The following ZNF557 variants were observed in gnomAD, a reference collection of about 807,000 sequenced individuals.
The protein encoded by ZNF557 is CTB-25J19.9.
Under a neutral mutation model 21.2 loss-of-function variants are expected in ZNF557, and 19 were observed. The ratio of observed to expected loss-of-function variants is 0.90; its 90% CI spans 0.63 to 1.32. ZNF557 has a LOEUF of 1.32. ZNF557 is among the 40% of genes most tolerant of loss of function. The probability of loss-of-function intolerance (pLI) is 0.00; values close to 1 mark genes in which losing one functional copy is unlikely to be tolerated. For synonymous variants in ZNF557, 207 were observed against 194.8 expected (o/e 1.06, Z -0.52); for missense variants, 487 against 519.8 (o/e 0.94, Z 0.61).
chr19:7,081,556 C>A, intron 6 of ZNF557, 101 bp downstream of exon 6: 1 of 814,190 alleles, frequency 1.2e-6, no homozygotes, highest in Non-Finnish European at 2.0e-6. Context: ...AGTCAGAGAA[C>A]TGTGTAAATG....
chr19:7,076,005 C>G (rs1231220482), intron 4 of ZNF557, among the ~76,000 whole-genome samples: 5 of 152,112 alleles, frequency 3.3e-5, no homozygotes, highest in Non-Finnish European at 5.9e-5. Context: ...GTTCTAAACC[C>G]AAGCAATTAA....
intron 5 of ZNF557, among the ~76,000 whole-genome samples, chr19:7,081,018 G>A (rs1977686916): frequency 6.6e-6 from 1 of 152,092 alleles, no homozygotes; most frequent in African/African-American, 2.4e-5. Context: ...TGTATGAAAT[G>A]AAGATCTCCT....
chr19:7,078,984 T>C (rs1470436604), intron 5 of ZNF557, among the ~76,000 whole-genome samples: 2 of 152,098 alleles, frequency 1.3e-5, no homozygotes, highest in African/African-American at 4.8e-5. Flanking sequence ...TCAGATAATA[T>C]ATATTTTTCA....
Position 7,083,883 on chromosome 19 carries a change from T to G in ZNF557, c.*139T>G. 1 of 1,039,146 alleles carries G rather than the reference T, an allele frequency of 9.6e-7. No homozygotes were observed. Among genetic ancestry groups the G allele is most frequent in the Non-Finnish European group, 1.4e-6 (1 of 716,640 alleles). 64.4% of individuals were successfully genotyped at this position (1,039,146 alleles called of 1,614,324 possible). A position where few individuals can be genotyped will look rare whatever the true frequency, so the allele number is the denominator to read the frequency against. ...ATTTTGTGGCTTCAAACAAAAACACTTGTTATCTCAAAATTTTTGTAGGTC... is the reference window on the plus strand; with the variant it reads ...ATTTTGTGGCTTCAAACAAAAACACGTGTTATCTCAAAATTTTTGTAGGTC... On this transcript the variant is annotated 3_prime_UTR_variant, in exon 8 of 8. Coordinates refer to ENST00000252840, the MANE Select transcript of ZNF557 (RefSeq NM_024341.3).
rs4031071 is a variant in ZNF557 at position 7,077,132 on chromosome 19, C to CTTTTTTTTTTTT, written c.247+635_247+646dup. ...TTTTGCTTAGCATAATGTTTTCTTT[C>CTTTTTTTTTTTT]TTTTTTTTTTTTTTTTTTTTTGAGA... On this transcript the variant is annotated intron_variant, in intron 5 of 7. Coordinates refer to ENST00000252840, the MANE Select transcript of ZNF557 (RefSeq NM_024341.3). Among the ~76,000 whole-genome samples the CTTTTTTTTTTTT allele has an allele frequency of 6.9e-4, 54 of 78,362 alleles. 2 individuals are homozygous for CTTTTTTTTTTTT. The highest frequency in any genetic ancestry group is 8.0e-4 in the Non-Finnish European group (36 of 44,726). 51.4% of individuals were successfully genotyped at this position (78,362 alleles called of 152,430 possible).
intron 7 of ZNF557, 65 bp downstream of exon 7, chr19:7,082,117 C>T (rs752587693): frequency 2.8e-5 from 38 of 1,334,624 alleles, no homozygotes; most frequent in Non-Finnish European, 4.1e-5. Flanking sequence ...AGAAAAGCCA[C>T]AAGGACTGGC....
intron 2 of ZNF557, among the ~76,000 whole-genome samples, chr19:7,072,484 G>T (rs562387510): frequency 3.3e-4 from 50 of 152,236 alleles, no homozygotes; most frequent in African/African-American, 1.1e-3. Flanking sequence ...GCCTTTGCTG[G>T]CTCTCCACTG....
rs1169832123 is a variant in ZNF557, at chr19:7,085,972, A to G, written c.*2228A>G. On this transcript the variant is annotated 3_prime_UTR_variant, in exon 8 of 8. Coordinates refer to ENST00000252840, the MANE Select transcript of ZNF557 (RefSeq NM_024341.3). Reference sequence around the variant, plus strand: ...TTGCCAGGTGTGGTGGCTCACACCTATAAACCTAGCATTTTGGGAGGCTGA... The same window carrying G: ...TTGCCAGGTGTGGTGGCTCACACCTGTAAACCTAGCATTTTGGGAGGCTGA... 1.3e-5 allele frequency: 2 copies of G among 151,894 alleles called. No homozygotes were observed. The highest frequency in any genetic ancestry group is 6.6e-5 in the Admixed American group (1 of 15,242). 9.4% of individuals were successfully genotyped at this position (151,894 alleles called of 1,614,324 possible). A position where few individuals can be genotyped will look rare whatever the true frequency, so the allele number is the denominator to read the frequency against.
rs763154789 is a variant in ZNF557 at position 7,085,168 on chromosome 19, TAAC to T, written c.*1427_*1429del. The T allele has an allele frequency of 1.8e-4, 27 of 152,342 alleles. No individual in the cohort carries two copies. Among genetic ancestry groups the T allele is most frequent in the Non-Finnish European group, 3.5e-4 (24 of 68,030 alleles). 9.4% of individuals were successfully genotyped at this position (152,342 alleles called of 1,614,324 possible). A position where few individuals can be genotyped will look rare whatever the true frequency, so the allele number is the denominator to read the frequency against. The stretch of plus-strand genomic sequence containing the variant: ...TTTAGGAACCTAACTCAGTGTAAGA[TAAC>T]AATTTATACAATTTATTTTTTGAGA... On this transcript the variant is annotated 3_prime_UTR_variant, in exon 8 of 8. Coordinates refer to ENST00000252840, the MANE Select transcript of ZNF557 (RefSeq NM_024341.3).
rs1235398087 is a variant in ZNF557 at position 7,085,764 on chromosome 19, C to T, written c.*2020C>T. On this transcript the variant is annotated 3_prime_UTR_variant, in exon 8 of 8. Coordinates refer to ENST00000252840, the MANE Select transcript of ZNF557 (RefSeq NM_024341.3). The stretch of plus-strand genomic sequence containing the variant: ...TCTCATTTGTAGGTTGGGCCACTAG[C>T]TCGTTCATTTTCAGTCTTTTAATAT... 1 of 152,154 alleles carries T rather than the reference C, an allele frequency of 6.6e-6. No homozygotes were observed. The highest frequency in any genetic ancestry group is 1.5e-5 in the Non-Finnish European group (1 of 68,032). The allele number at this position is 152,154 out of a possible 1,614,324, so 9.4% of individuals were successfully genotyped here.
intron 5 of ZNF557, among the ~76,000 whole-genome samples, chr19:7,079,869 T>TA (rs1977665323): frequency 6.6e-6 from 1 of 152,192 alleles, no homozygotes; most frequent in African/African-American, 2.4e-5. Context: ...AAAACTCAGC[T>TA]AAAGCATCTT....
rs533827439 is a variant in ZNF557 at position 7,071,156 on chromosome 19, A to T, written c.-80+503A>T. On this transcript the variant is annotated intron_variant, in intron 2 of 7. Coordinates refer to ENST00000252840, the MANE Select transcript of ZNF557 (RefSeq NM_024341.3). The stretch of plus-strand genomic sequence containing the variant: ...TGTGTCAAAATAAGTCAGTAAATAC[A>T]GCTATATGCAAATCAGTACACAAAA... 1.7e-4 allele frequency among the ~76,000 whole-genome samples: 26 copies of T among 152,340 alleles called. 1 individual carries two copies. The South Asian group carries it at 5.4e-3, about 32-fold the overall frequency.
chr19:7,075,457 C>T (rs530795294), intron 3 of ZNF557, among the ~76,000 whole-genome samples, 198 bp from the exon 4 acceptor site: 2 of 152,262 alleles, frequency 1.3e-5, no homozygotes, highest in African/African-American at 2.4e-5. Flanking sequence ...TGTTTCCTGG[C>T]GTGGATGCGG....
rs1359004309 is a variant in ZNF557 at position 7,084,190 on chromosome 19, C to T, written c.*446C>T. 5.9e-6 allele frequency: 1 copy of T among 170,250 alleles called. No individual in the cohort carries two copies. Among genetic ancestry groups the T allele is most frequent in the Non-Finnish European group, 1.3e-5 (1 of 78,730 alleles). 10.5% of individuals were successfully genotyped at this position (170,250 alleles called of 1,614,324 possible). ...ACAGAAAGCATAATGTCTTTTATGACCTAGCTTCAGTGAGATATGTTTTCA... is the reference window on the plus strand; with the variant it reads ...ACAGAAAGCATAATGTCTTTTATGATCTAGCTTCAGTGAGATATGTTTTCA... On this transcript the variant is annotated 3_prime_UTR_variant, in exon 8 of 8. Coordinates refer to ENST00000252840, the MANE Select transcript of ZNF557 (RefSeq NM_024341.3).
At chr19:7,081,186 TGTGTGTGTGTGTGTGA>T (rs780004995) in intron 5 of ZNF557, among the ~76,000 whole-genome samples, 158 bp from the exon 6 acceptor site, 887 of 51,262 alleles carry the variant, frequency 0.017, 11 homozygotes, top group Non-Finnish European at 0.022. Context: ...TGTGTGTGTG[TGTGTGTGTGTGTGTGA>T]GTGTTTAAGA....
Position 7,076,402 on chromosome 19 carries a change from G to A in ZNF557, c.142G>A (p.Val48Met), listed in dbSNP as rs1977588083. The A allele has an allele frequency of 1.2e-6, 2 of 1,614,192 alleles. No homozygotes were observed. Among genetic ancestry groups the A allele is most frequent in the Non-Finnish European group, 1.7e-6 (2 of 1,180,036 alleles). The stretch of plus-strand genomic sequence containing the variant: ...TTAGGGCTTGGTGACCTTTGAGGAT[G>A]TGGCCGTGGAGTTCACCCAGGAGGA... Reference protein sequence around the residue: ...WLKGLVTFEDVAVEFTQEEWA... With the variant: ...WLKGLVTFEDMAVEFTQEEWA... Residue 48 changes from valine to methionine, a missense_variant, in exon 5 of 8, where the codon GTG (valine) becomes ATG (methionine). Val to Met is a conservative substitution (Grantham distance 21). Transcript: ENST00000252840.
chr19:7,085,440 AG>A lies in ZNF557; in HGVS notation c.*1698del, dbSNP rs1483951502. The A allele has an allele frequency of 2.6e-5, 4 of 152,254 alleles. No individual in the cohort carries two copies. The highest frequency in any genetic ancestry group is 9.6e-5 in the African/African-American group (4 of 41,462). The allele number at this position is 152,254 out of a possible 1,614,324, so 9.4% of individuals were successfully genotyped here. On this transcript the variant is annotated 3_prime_UTR_variant, in exon 8 of 8. Coordinates refer to ENST00000252840, the MANE Select transcript of ZNF557 (RefSeq NM_024341.3). ...CAGCCTCCCAAAATGCTGGGAATAC[AG>A]GAACGAGCTACCACTCTCAGCCAGA... is the stretch of plus-strand genomic sequence containing the variant.
chr19:7,082,104 A>G lies in ZNF557; in HGVS notation c.426+52A>G, dbSNP rs190341421. 1.2e-5 allele frequency: 17 copies of G among 1,453,498 alleles called. No individual in the cohort carries two copies. In the African/African-American group the frequency reaches 1.8e-4, roughly 16 times the overall value. The allele number at this position is 1,453,498 out of a possible 1,614,324, so 90.0% of individuals were successfully genotyped here. Reference sequence around the variant, plus strand: ...TTTTTTTCATGGTAGAATGCCCTACATGAGAAAAGCCACAAGGACTGGCCT... The same window carrying G: ...TTTTTTTCATGGTAGAATGCCCTACGTGAGAAAAGCCACAAGGACTGGCCT... On this transcript the variant is annotated intron_variant, in intron 7 of 7. Coordinates refer to ENST00000252840, the MANE Select transcript of ZNF557 (RefSeq NM_024341.3).
At chr19:7,081,286 C>G (rs1392757287) in intron 5 of ZNF557, 74 bp from the exon 6 acceptor site, 4 of 993,960 alleles carry the variant, frequency 4.0e-6, no homozygotes, top group Non-Finnish European at 6.3e-6. Flanking sequence ...ACCTTCAGAA[C>G]TGATTTCAGT....
Sources: gnomAD v4.1 joint callset for allele counts (sites outside exome capture counted in the v4.1 genomes callset) on GRCh38, gnomAD v4.1.1 for gene constraint, MANE v1.5 for transcripts, NCBI Gene and HGNC (gene_info 2026-07-23, HGNC 2026-07-21) for gene names.